The following EPM2A variants were observed in gnomAD, a reference collection of about 807,000 sequenced individuals.
EPM2A encodes laforin.
EPM2A carries 21 observed loss-of-function variants against 26.5 expected under a neutral mutation model. The ratio of observed to expected loss-of-function variants is 0.79; its 90% CI spans 0.56 to 1.14. The LOEUF (loss-of-function observed/expected upper bound fraction) is 1.14, where lower values mean the gene tolerates loss of function less well. Among genes scored for constraint, EPM2A ranks in the 50% most tolerant of loss-of-function variants. EPM2A has a pLI of 0.00. For synonymous variants in EPM2A, 217 were observed against 177.6 expected (o/e 1.22, Z -1.76); for missense variants, 458 against 440.8 (o/e 1.04, Z -0.35).
intron 4 of EPM2A, among the ~76,000 whole-genome samples, chr6:145,387,567 T>C (rs1778279616): frequency 6.6e-6 from 1 of 152,102 alleles, no homozygotes; most frequent in African/African-American, 2.4e-5. Context: ...TGGTTCTTTG[T>C]CCTTGTCTCC....
intron 4 of EPM2A, among the ~76,000 whole-genome samples, chr6:145,389,862 T>A (rs1280066832): frequency 3.3e-5 from 5 of 152,172 alleles, no homozygotes; most frequent in Non-Finnish European, 1.5e-5. Context: ...TTTTTCTTTA[T>A]CAACTGGGCA....
At chr6:145,601,066 C>T (rs887465975) in intron 2 of EPM2A, among the ~76,000 whole-genome samples, 65 of 152,174 alleles carry the variant, frequency 4.3e-4, no homozygotes, top group Non-Finnish European at 1.8e-4. Flanking sequence ...AGGGCTGCTA[C>T]CATATCTGTT....
At chr6:145,552,572 T>G (rs1305319474) in intron 2 of EPM2A, among the ~76,000 whole-genome samples, 1 of 152,134 alleles carries the variant, frequency 6.6e-6, no homozygotes, top group African/African-American at 2.4e-5. Flanking sequence ...CTAAATGTAA[T>G]AAATATATGT....
chr6:145,551,944 A>G (rs186398711), intron 2 of EPM2A, among the ~76,000 whole-genome samples: 13 of 152,098 alleles, frequency 8.5e-5, no homozygotes, highest in African/African-American at 2.9e-4. Flanking sequence ...ATATAGAACC[A>G]AATAAAATTA....
intron 2 of EPM2A, among the ~76,000 whole-genome samples, chr6:145,642,597 GT>G (rs1271381556): frequency 6.6e-6 from 1 of 152,154 alleles, no homozygotes; most frequent in Non-Finnish European, 1.5e-5. Context: ...AATTTGTAAT[GT>G]GCTTTTAAGG....
intron 2 of EPM2A, among the ~76,000 whole-genome samples, chr6:145,550,133 T>C (rs1031577016): frequency 7.2e-5 from 11 of 152,004 alleles, no homozygotes; most frequent in Non-Finnish European, 1.3e-4. Context: ...TGAGGGAACT[T>C]TGGGAACAGC....
chr6:145,723,539 C>T (rs144321367), intron 1 of EPM2A, among the ~76,000 whole-genome samples: 2 of 152,050 alleles, frequency 1.3e-5, no homozygotes, highest in Non-Finnish European at 2.9e-5. Context: ...TGGACAAATA[C>T]CTGCCTGCAA....
At chr6:145,527,253 G>A (rs1780288423) in intron 2 of EPM2A, among the ~76,000 whole-genome samples, 1 of 152,108 alleles carries the variant, frequency 6.6e-6, no homozygotes, top group African/African-American at 2.4e-5. Context: ...TGAGAAGAAT[G>A]TATATTCTGC....
chr6:145,518,595 C>CAAAAAAAAAAAAAAAAAAAA (rs55802475), intron 2 of EPM2A, among the ~76,000 whole-genome samples: 2 of 102,664 alleles, frequency 1.9e-5, no homozygotes, highest in Non-Finnish European at 4.0e-5. Context: ...TGAAATGCAC[C>CAAAAAAAAAAAAAAAAAAAA]AAAAAAAAAA....
intron 2 of EPM2A, among the ~76,000 whole-genome samples, chr6:145,585,747 G>C (rs1781188225): frequency 6.6e-6 from 1 of 151,902 alleles, no homozygotes; most frequent in Non-Finnish European, 1.5e-5. Context: ...AAATATTTTT[G>C]AGTTTTGTTT....
At chr6:145,565,668 G>C (rs1323786546) in intron 2 of EPM2A, among the ~76,000 whole-genome samples, 3 of 152,188 alleles carry the variant, frequency 2.0e-5, no homozygotes, top group Non-Finnish European at 4.4e-5. Context: ...GAGGATGAGA[G>C]CACTGCTTTT....
intron 2 of EPM2A, among the ~76,000 whole-genome samples, chr6:145,528,168 C>T (rs1780304904): frequency 6.6e-6 from 1 of 152,014 alleles, no homozygotes; most frequent in African/African-American, 2.4e-5. Context: ...AGAAACCATC[C>T]CCATAACACA....
intron 1 of EPM2A, chr6:145,705,511 C>T (rs768909426): frequency 4.4e-6 from 2 of 452,450 alleles, no homozygotes; most frequent in South Asian, 1.6e-5. Flanking sequence ...GGCAAGATTA[C>T]GCCACTGCAC....
intron 2 of EPM2A, among the ~76,000 whole-genome samples, chr6:145,680,907 A>G (rs1160954621): frequency 2.0e-5 from 3 of 151,582 alleles, no homozygotes; most frequent in Non-Finnish European, 4.4e-5. Context: ...GTATATACCC[A>G]GTAATGGGAT....
chr6:145,502,625 C>A (rs1372334365), intron 2 of EPM2A: 1 of 470,116 alleles, frequency 2.1e-6, no homozygotes, highest in Non-Finnish European at 4.4e-6. Context: ...TGGCACAGTG[C>A]CAGCCTTGCT....
chr6:145,531,944 T>C (rs1180932209), intron 2 of EPM2A, among the ~76,000 whole-genome samples: 1 of 152,176 alleles, frequency 6.6e-6, no homozygotes, highest in Non-Finnish European at 1.5e-5. Context: ...GACACTCCCT[T>C]CCCAGCTTCT....
chr6:145,631,869 TCTCACACA>T (rs35109185), intron 3 of EPM2A: 48,898 of 144,966 alleles, frequency 0.34, 8,371 homozygotes, highest in South Asian at 0.48. Context: ...TCTCTCTCTC[TCTCACACA>T]CACACACACA....
intron 4 of EPM2A, among the ~76,000 whole-genome samples, chr6:145,492,904 G>A (rs1200525188): frequency 6.6e-6 from 1 of 152,192 alleles, no homozygotes; most frequent in Non-Finnish European, 1.5e-5. Context: ...ATTTGTTCAG[G>A]AAAACAGGAA....
At chr6:145,463,185 T>C (rs910470210) in intron 4 of EPM2A, 2 of 148,524 alleles carry the variant, frequency 1.3e-5, no homozygotes, top group African/African-American at 5.0e-5. Flanking sequence ...TTTTATTTGC[T>C]TTTGTTTTAT....
Sources: gnomAD v4.1 joint callset for allele counts (sites outside exome capture counted in the v4.1 genomes callset) on GRCh38, gnomAD v4.1.1 for gene constraint, MANE v1.5 for transcripts, NCBI Gene and HGNC (gene_info 2026-07-23, HGNC 2026-07-21) for gene names.